SRGAP2: variants seen among roughly 807,000 people sequenced by gnomAD.
SRGAP2 encodes SLIT-ROBO Rho GTPase activating protein 2.
A neutral mutation model predicts 57.2 loss-of-function variants in SRGAP2; 15 were observed. The ratio of observed to expected loss-of-function variants is 0.26; its 90% CI spans 0.18 to 0.40. SRGAP2 has a LOEUF of 0.40. Ranked by LOEUF, SRGAP2 falls within the 10% of genes least tolerant of loss-of-function variation. SRGAP2 has a pLI of 1.00. For missense variants in SRGAP2, 520 were observed against 669.6 expected, an observed-to-expected ratio of 0.78 and a Z score of 2.47; for synonymous variants, 249 against 248.0, an observed-to-expected ratio of 1.00 and a Z score of -0.04.
Position 206,463,762 on chromosome 1 carries a change from C to A in SRGAP2, c.*2342C>A, listed in dbSNP as rs1205922397. ...CCTAACACCTGTGAGATGGTCCTGTCGAGAGGACTAGGAACCGATAGGAGG... is the reference window on the plus strand; with the variant it reads ...CCTAACACCTGTGAGATGGTCCTGTAGAGAGGACTAGGAACCGATAGGAGG... On this transcript the variant is annotated 3_prime_UTR_variant, in exon 23 of 23. Coordinates refer to ENST00000573034, the MANE Select transcript of SRGAP2 (RefSeq NM_015326.5). 6.6e-6 allele frequency: 1 copy of A among 152,594 alleles called. No homozygotes were observed. Among genetic ancestry groups the A allele is most frequent in the Non-Finnish European group, 1.5e-5 (1 of 68,040 alleles). 9.5% of individuals were successfully genotyped at this position (152,594 alleles called of 1,614,324 possible).
At position 206,431,289 on chromosome 1, in the gene SRGAP2, G is replaced by T. The variant is rs782278546; in HGVS notation, c.1555+1067G>T. On this transcript the variant is annotated intron_variant, in intron 14 of 22. Transcript: ENST00000573034. ...TTATCAAGTCCCTGATCAATGCTGG[G>T]TACCATGCATTGCCATGCAGGAAAA... is the stretch of plus-strand genomic sequence containing the variant. Among the ~76,000 whole-genome samples the T allele has an allele frequency of 9.0e-4, 137 of 152,296 alleles. 1 individual carries two copies. The highest frequency in any genetic ancestry group is 1.6e-3 in the Non-Finnish European group (106 of 68,032).
chr1:206,448,675 A>G (rs1383058435), intron 18 of SRGAP2, among the ~76,000 whole-genome samples: 2 of 152,004 alleles, frequency 1.3e-5, no homozygotes, highest in South Asian at 2.1e-4. Flanking sequence ...GAAGTTTAGA[A>G]CTGTTGCCTT....
chr1:206,338,944 G>C (rs1350489391), intron 3 of SRGAP2, among the ~76,000 whole-genome samples: 1 of 151,588 alleles, frequency 6.6e-6, no homozygotes, highest in Non-Finnish European at 1.5e-5. Flanking sequence ...AGAACAATGA[G>C]GCTGTTTTCA....
rs191126582 is a variant in SRGAP2, at chr1:206,447,992, C to T, written c.2099+1693C>T. ...AAGATTAGTCAGGGAACATTACTAC[C>T]GCAGACTGTGTGGGAGGCTAGAAGC... is the stretch of plus-strand genomic sequence containing the variant. On this transcript the variant is annotated intron_variant, in intron 18 of 22. Transcript: ENST00000573034. 1.8e-4 allele frequency among the ~76,000 whole-genome samples: 27 copies of T among 152,346 alleles called. No individual in the cohort carries two copies. In the East Asian group the frequency reaches 3.3e-3, roughly 19 times the overall value.
At chr1:206,307,227 G>T (rs1304471557) in intron 3 of SRGAP2, among the ~76,000 whole-genome samples, 2 of 152,000 alleles carry the variant, frequency 1.3e-5, no homozygotes, top group Non-Finnish European at 2.9e-5. Context: ...TAGACATAAA[G>T]GTTCTCCACG....
intron 2 of SRGAP2, chr1:206,207,705 C>A (rs1217566551): frequency 7.9e-6 from 1 of 126,588 alleles, no homozygotes; most frequent in Non-Finnish European, 1.6e-5. Flanking sequence ...TCCCAGATTT[C>A]TCTCCAGAAG....
At chr1:206,419,162 G>A (rs1660066095) in intron 11 of SRGAP2, among the ~76,000 whole-genome samples, 1 of 152,092 alleles carries the variant, frequency 6.6e-6, no homozygotes, top group Non-Finnish European at 1.5e-5. Context: ...ATCAGAAACA[G>A]TTTTTGCCCA....
At chr1:206,424,450 T>G (rs1309605219) in intron 13 of SRGAP2, among the ~76,000 whole-genome samples, 1 of 151,906 alleles carries the variant, frequency 6.6e-6, no homozygotes, top group African/African-American at 2.4e-5. Context: ...AGGTCAGGAG[T>G]TCGAGACCAG....
chr1:206,240,744 C>A (rs1333130543), intron 2 of SRGAP2, among the ~76,000 whole-genome samples: 1 of 152,204 alleles, frequency 6.6e-6, no homozygotes, highest in Non-Finnish European at 1.5e-5. Context: ...AATTAAGATA[C>A]GTGCTCATGG....
intron 4 of SRGAP2, among the ~76,000 whole-genome samples, chr1:206,366,006 A>G (rs1232928767): frequency 6.6e-6 from 1 of 152,228 alleles, no homozygotes; most frequent in African/African-American, 2.4e-5. Context: ...TAGAAACAGT[A>G]CTGATGAGTC....
chr1:206,334,639 G>A (rs568187617), intron 3 of SRGAP2, among the ~76,000 whole-genome samples: 52 of 152,218 alleles, frequency 3.4e-4, no homozygotes, highest in African/African-American at 1.2e-3. Flanking sequence ...AAACTTCTCC[G>A]CTCATGCCTG....
chr1:206,355,344 G>A (rs1268605388), intron 4 of SRGAP2, among the ~76,000 whole-genome samples: 12 of 152,014 alleles, frequency 7.9e-5, no homozygotes, highest in African/African-American at 2.9e-4. Flanking sequence ...AGGTCCAAGT[G>A]GATTCAAGTG....
At chr1:206,267,555 A>G (rs1400064317) in intron 2 of SRGAP2, among the ~76,000 whole-genome samples, 2 of 151,340 alleles carry the variant, frequency 1.3e-5, no homozygotes, top group Non-Finnish European at 2.9e-5. Context: ...TCTAATTTCT[A>G]TATTTTTTCA....
intron 3 of SRGAP2, among the ~76,000 whole-genome samples, chr1:206,313,631 T>G (rs1290658410): frequency 6.6e-6 from 1 of 152,222 alleles, no homozygotes; most frequent in Non-Finnish European, 1.5e-5. Context: ...GACTCTTGAT[T>G]AGGGATTTGG....
At chr1:206,387,150 G>C (rs1178572583) in intron 5 of SRGAP2, among the ~76,000 whole-genome samples, 1 of 130,116 alleles carries the variant, frequency 7.7e-6, no homozygotes, top group Non-Finnish European at 1.6e-5. Flanking sequence ...AAAAAAAATA[G>C]CAGTTCAGAG....
chr1:206,435,142 A>G (rs782432637), intron 14 of SRGAP2, among the ~76,000 whole-genome samples: 1 of 152,226 alleles, frequency 6.6e-6, no homozygotes, highest in African/African-American at 2.4e-5. Context: ...CTTAAGGCCT[A>G]TTACAAGCCA....
At chr1:206,210,382 C>G (rs1325924733) in intron 2 of SRGAP2, among the ~76,000 whole-genome samples, 1 of 111,986 alleles carries the variant, frequency 8.9e-6, no homozygotes, top group Non-Finnish European at 1.8e-5. Context: ...TTTTCTTTCT[C>G]GAGAACATTA....
At chr1:206,280,689 A>G in intron 2 of SRGAP2, among the ~76,000 whole-genome samples, 1 of 152,246 alleles carries the variant, frequency 6.6e-6, no homozygotes, top group East Asian at 1.9e-4. Flanking sequence ...TGGTGAGATA[A>G]AAGAAGACAT....
intron 2 of SRGAP2, among the ~76,000 whole-genome samples, chr1:206,247,052 G>T (rs1668540094): frequency 7.3e-6 from 1 of 137,872 alleles, no homozygotes; most frequent in Non-Finnish European, 1.6e-5. Context: ...GGGCTTTATT[G>T]CTTGTTTTGC....
Sources: gnomAD v4.1 joint callset for allele counts (sites outside exome capture counted in the v4.1 genomes callset) on GRCh38, gnomAD v4.1.1 for gene constraint, MANE v1.5 for transcripts, NCBI Gene and HGNC (gene_info 2026-07-23, HGNC 2026-07-21) for gene names.